PARP8: variants seen among roughly 807,000 people sequenced by gnomAD.
PARP8 encodes the protein poly(ADP-ribose) polymerase family member 8.
PARP8 carries 51 observed loss-of-function variants against 124.1 expected under a neutral mutation model. The ratio of observed to expected loss-of-function variants is 0.41; its 90% CI spans 0.33 to 0.52. The LOEUF is 0.52. Among genes scored for constraint, PARP8 ranks in the 20% least tolerant of loss-of-function variants. The pLI is 0.21. For missense variants in PARP8, 860 were observed against 1,018.9 expected, an observed-to-expected ratio of 0.84 and a Z score of 2.12; for synonymous variants, 391 against 361.5, an observed-to-expected ratio of 1.08 and a Z score of -0.93.
At chr5:50,812,508 G>A (rs368763373) in intron 14 of PARP8, among the ~76,000 whole-genome samples, 1 of 151,994 alleles carries the variant, frequency 6.6e-6, no homozygotes, top group Admixed American at 6.6e-5. Context: ...TTGTCAGATG[G>A]GTAGATTGCA....
chr5:50,814,377 T>C (rs531707261), intron 14 of PARP8, among the ~76,000 whole-genome samples: 2 of 152,268 alleles, frequency 1.3e-5, no homozygotes, highest in South Asian at 4.1e-4. Flanking sequence ...TATCTAAATA[T>C]ATATTGCAGA....
At chr5:50,766,301 A>T (rs1378266523) in intron 7 of PARP8, among the ~76,000 whole-genome samples, 1 of 152,210 alleles carries the variant, frequency 6.6e-6, no homozygotes, top group Non-Finnish European at 1.5e-5. Context: ...GGGCAACATG[A>T]ACTTTGCGAT....
intron 9 of PARP8, 42 bp from the exon 10 acceptor site, chr5:50,788,481 G>A: frequency 6.3e-7 from 1 of 1,575,050 alleles, no homozygotes; most frequent in Admixed American, 1.7e-5. Context: ...TTGAGTTTCA[G>A]TTTCAAGTCA....
At chr5:50,832,013 C>T (rs1170339534) in intron 22 of PARP8, among the ~76,000 whole-genome samples, 9 of 152,166 alleles carry the variant, frequency 5.9e-5, no homozygotes. Context: ...AGGCCTTCTC[C>T]TCAACCTGTC....
At chr5:50,676,042 T>C (rs1266405522) in intron 2 of PARP8, among the ~76,000 whole-genome samples, 2 of 152,244 alleles carry the variant, frequency 1.3e-5, no homozygotes, top group African/African-American at 4.8e-5. Flanking sequence ...GCTTAAACAA[T>C]ATAAAACAGT....
At chr5:50,670,291 G>A (rs959072911) in intron 2 of PARP8, among the ~76,000 whole-genome samples, 1 of 152,066 alleles carries the variant, frequency 6.6e-6, no homozygotes, top group South Asian at 2.1e-4. Context: ...GAGAGTATAT[G>A]ATTATCTCTA....
rs563586815 is a variant in PARP8 at position 50,676,524 on chromosome 5, T to C, written c.146+8399T>C. ...CTGGTACCTGATTAGAAGTCCGTCT[T>C]CCGTCTCATAGGGAAGTGTTAGAGA... On this transcript the variant is annotated intron_variant, in intron 2 of 25. Coordinates refer to ENST00000281631, the MANE Select transcript of PARP8 (RefSeq NM_024615.4). Among the ~76,000 whole-genome samples the C allele has an allele frequency of 2.2e-3, 341 of 152,336 alleles. 1 individual carries two copies. Among genetic ancestry groups the C allele is most frequent in the African/African-American group, 7.1e-3 (295 of 41,572 alleles).
chr5:50,775,520 G>A (rs154135), intron 7 of PARP8, among the ~76,000 whole-genome samples: 23,559 of 152,110 alleles, frequency 0.15, 2,208 homozygotes, highest in African/African-American at 0.27. Flanking sequence ...AAGGCAGTAC[G>A]GTCCAACCTC....
At chr5:50,812,152 C>G (rs918754549) in intron 14 of PARP8, among the ~76,000 whole-genome samples, 1 of 152,124 alleles carries the variant, frequency 6.6e-6, no homozygotes, top group Non-Finnish European at 1.5e-5. Flanking sequence ...CATCCAGATC[C>G]TTGAGGAATC....
rs201362510 is a variant in PARP8 at position 50,778,522 on chromosome 5, A to G, written c.580-38A>G. 13 of 1,522,870 alleles carry G rather than the reference A, an allele frequency of 8.5e-6. No individual in the cohort carries two copies. In the East Asian group the frequency reaches 2.7e-4, roughly 32 times the overall value. 94.3% of individuals were successfully genotyped at this position (1,522,870 alleles called of 1,614,324 possible). ...GTTTTTTTTTTCATTTTGAACTCTA[A>G]AAGATGATTAATTCATCTTTTAAAT... On this transcript the variant is annotated intron_variant, in intron 8 of 25. Coordinates refer to ENST00000281631, the MANE Select transcript of PARP8 (RefSeq NM_024615.4).
chr5:50,760,933 C>G (rs565105052), intron 5 of PARP8, among the ~76,000 whole-genome samples: 70 of 152,152 alleles, frequency 4.6e-4, no homozygotes, highest in Non-Finnish European at 9.1e-4. Context: ...CAATCCTCCT[C>G]TTCCTGTTAG....
chr5:50,792,086 A>G lies in PARP8; in HGVS notation c.738-2121A>G, dbSNP rs546538630. 2.0e-4 allele frequency among the ~76,000 whole-genome samples: 31 copies of G among 152,256 alleles called. No homozygotes were observed. The South Asian group carries it at 4.2e-3, about 20-fold the overall frequency. ...CTTTGTTCACATAGTTGGCCGTGAT[A>G]TCATCTGCTCTTGACGCGATGCAAA... On this transcript the variant is annotated intron_variant, in intron 10 of 25. Transcript: ENST00000281631.
intron 2 of PARP8, among the ~76,000 whole-genome samples, chr5:50,703,016 A>G (rs1302946691): frequency 6.6e-6 from 1 of 152,102 alleles, no homozygotes; most frequent in Non-Finnish European, 1.5e-5. Flanking sequence ...AAAAAGTGTT[A>G]TAGGCCAGGT....
chr5:50,702,832 G>T (rs1753733584), intron 2 of PARP8, among the ~76,000 whole-genome samples: 1 of 152,170 alleles, frequency 6.6e-6, no homozygotes, highest in South Asian at 2.1e-4. Context: ...AGGAAGTGGT[G>T]AGGAAAATAT....
At chr5:50,683,316 T>G (rs1751495293) in intron 2 of PARP8, among the ~76,000 whole-genome samples, 1 of 152,192 alleles carries the variant, frequency 6.6e-6, no homozygotes, top group Non-Finnish European at 1.5e-5. Context: ...GAGGATTAAT[T>G]AAATTTAAAA....
At chr5:50,747,163 G>GTTTTTTTTTTTTTTTTTTTGTTT (rs1211253892) in intron 2 of PARP8, among the ~76,000 whole-genome samples, 2 of 95,504 alleles carry the variant, frequency 2.1e-5, no homozygotes, top group Non-Finnish European at 2.0e-5. Flanking sequence ...TGTTTGTTTT[G>GTTTTTTTTTTTTTTTTTTTGTTT]TTTTTTTTTT....
chr5:50,798,986 T>C (rs1265663760), intron 14 of PARP8, among the ~76,000 whole-genome samples: 2 of 152,236 alleles, frequency 1.3e-5, no homozygotes, highest in Admixed American at 1.3e-4. Context: ...TTACCACATA[T>C]ATGATTTGCA....
At chr5:50,681,019 C>T (rs747310174) in intron 2 of PARP8, among the ~76,000 whole-genome samples, 9 of 152,186 alleles carry the variant, frequency 5.9e-5, no homozygotes, top group Admixed American at 3.9e-4. Context: ...AAAAGATAGA[C>T]TTTAGTTATC....
At chr5:50,841,551 T>A (rs1217823423) in intron 25 of PARP8, among the ~76,000 whole-genome samples, 1 of 151,984 alleles carries the variant, frequency 6.6e-6, no homozygotes, top group East Asian at 1.9e-4. Flanking sequence ...GAAAGTGAAG[T>A]GTCTTCAGTC....
Sources: gnomAD v4.1 joint callset for allele counts (sites outside exome capture counted in the v4.1 genomes callset) on GRCh38, gnomAD v4.1.1 for gene constraint, MANE v1.5 for transcripts, NCBI Gene and HGNC (gene_info 2026-07-23, HGNC 2026-07-21) for gene names.